Variants in ANKS1B observed in about 807,000 individuals in gnomAD.
ANKS1B encodes the protein ankyrin repeat and sterile alpha motif domain-containing protein 1B.
A neutral mutation model predicts 148.3 loss-of-function variants in ANKS1B; 36 were observed. The ratio of observed to expected loss-of-function variants is 0.24; its 90% confidence interval spans 0.19 to 0.32. The LOEUF (loss-of-function observed/expected upper bound fraction) is 0.32, where lower values mean the gene tolerates loss of function less well. Among genes scored for constraint, ANKS1B ranks in the 10% least tolerant of loss-of-function variants. The pLI is 1.00. For synonymous variants in ANKS1B, 542 were observed against 560.8 expected (o/e 0.97, Z 0.47); for missense variants, 1,157 against 1,542.6 (o/e 0.75, Z 4.19).
chr12:99,503,080 G>A (rs2096671375), intron 10 of ANKS1B, among the ~76,000 whole-genome samples: 1 of 152,154 alleles, frequency 6.6e-6, no homozygotes, highest in Non-Finnish European at 1.5e-5. Context: ...GGGACTACAG[G>A]CATGGGCCAT....
intron 17 of ANKS1B, among the ~76,000 whole-genome samples, chr12:98,977,320 T>C (rs953855719): frequency 2.0e-5 from 3 of 152,242 alleles, no homozygotes; most frequent in Admixed American, 1.3e-4. Context: ...TTGCATTTCA[T>C]TGCAAAGATG....
chr12:99,268,499 T>C (rs1376716240), intron 12 of ANKS1B, among the ~76,000 whole-genome samples: 1 of 152,194 alleles, frequency 6.6e-6, no homozygotes, highest in Non-Finnish European at 1.5e-5. Flanking sequence ...TATGCCTATG[T>C]CACCTTGGCC....
chr12:98,944,418 C>T (rs540620102), intron 17 of ANKS1B, among the ~76,000 whole-genome samples: 5 of 151,928 alleles, frequency 3.3e-5, no homozygotes, highest in East Asian at 1.9e-4. Context: ...CAGATGCTGG[C>T]GCCATGCTTC....
intron 17 of ANKS1B, among the ~76,000 whole-genome samples, chr12:98,851,663 G>A (rs1011448272): frequency 1.3e-5 from 2 of 152,086 alleles, no homozygotes; most frequent in African/African-American, 2.4e-5. Context: ...TTGGAAAGAT[G>A]TCCAGCATAT....
intron 24 of ANKS1B, among the ~76,000 whole-genome samples, chr12:98,776,125 G>A (rs1464050132): frequency 6.6e-6 from 1 of 152,224 alleles, no homozygotes; most frequent in African/African-American, 2.4e-5. Context: ...TTGTCTACCT[G>A]TGCAGAATGG....
chr12:99,939,707 A>G (rs533741500), intron 1 of ANKS1B, among the ~76,000 whole-genome samples: 7 of 152,342 alleles, frequency 4.6e-5, no homozygotes, highest in African/African-American at 1.7e-4. Context: ...GAGAAGCAGA[A>G]AAGTGTTCAA....
intron 8 of ANKS1B, among the ~76,000 whole-genome samples, chr12:99,712,251 C>T (rs1283650724): frequency 6.6e-6 from 1 of 152,150 alleles, no homozygotes; most frequent in African/African-American, 2.4e-5. Flanking sequence ...GGGATGCAGA[C>T]AAAATAGGTT....
chr12:99,969,413 G>C (rs958857480), intron 1 of ANKS1B, among the ~76,000 whole-genome samples: 2 of 152,004 alleles, frequency 1.3e-5, no homozygotes, highest in African/African-American at 4.8e-5. Context: ...TGAACTCCTT[G>C]GCTCAAGCAA....
At chr12:98,989,563 CTTGT>C (rs1197681193) in intron 17 of ANKS1B, among the ~76,000 whole-genome samples, 2 of 151,976 alleles carry the variant, frequency 1.3e-5, no homozygotes, top group African/African-American at 4.8e-5. Context: ...AATTTGTTTG[CTTGT>C]TTGTTTTGCT....
rs185833087 is a variant in ANKS1B at position 99,843,632 on chromosome 12, C to T, written c.135-18243G>A. On this transcript the variant is annotated intron_variant, in intron 1 of 26. Transcript: ENST00000683438. ...ATAGTATTCCACAGTGTATATGTAC[C>T]ATATTTTCTTTATCTAGTCTATCAT... Among the ~76,000 whole-genome samples the T allele has an allele frequency of 5.4e-4, 82 of 152,016 alleles. 1 individual carries two copies. The highest frequency in any genetic ancestry group is 4.3e-3 in the Admixed American group (66 of 15,262).
intron 16 of ANKS1B, among the ~76,000 whole-genome samples, chr12:99,056,890 T>C (rs891939619): frequency 6.6e-6 from 1 of 152,258 alleles, no homozygotes; most frequent in African/African-American, 2.4e-5. Context: ...ATAAATGTCC[T>C]ATAGGTGTCA....
chr12:99,882,821 T>A (rs1000567210), intron 1 of ANKS1B, among the ~76,000 whole-genome samples: 74 of 152,186 alleles, frequency 4.9e-4, no homozygotes, highest in South Asian at 8.3e-4. Context: ...TAATTTTTTT[T>A]AAAAAAGAAG....
chr12:99,434,126 G>C (rs970205033), intron 11 of ANKS1B, among the ~76,000 whole-genome samples: 6 of 152,014 alleles, frequency 3.9e-5, no homozygotes, highest in Non-Finnish European at 8.8e-5. Flanking sequence ...TCATACAGTA[G>C]GTATACTATT....
chr12:99,098,619 C>CTTTTTTTTTTTTTTTTTT (rs71081896), intron 15 of ANKS1B, among the ~76,000 whole-genome samples: 1 of 32,120 alleles, frequency 3.1e-5, no homozygotes, highest in Non-Finnish European at 5.9e-5. Context: ...CTAGGAACTA[C>CTTTTTTTTTTTTTTTTTT]TTTTTTTTTT....
intron 17 of ANKS1B, among the ~76,000 whole-genome samples, chr12:98,888,579 G>T (rs558373529): frequency 1.3e-5 from 2 of 152,318 alleles, no homozygotes; most frequent in East Asian, 3.9e-4. Context: ...AGCTGACCGG[G>T]ATTCAGTCAC....
intron 8 of ANKS1B, among the ~76,000 whole-genome samples, chr12:99,663,379 G>A (rs761513615): frequency 4.6e-5 from 7 of 152,014 alleles, no homozygotes; most frequent in African/African-American, 1.2e-4. Context: ...TGTTAAATAC[G>A]TTTCTATAAG....
At chr12:99,253,401 G>A (rs886411058) in intron 12 of ANKS1B, among the ~76,000 whole-genome samples, 33 of 152,134 alleles carry the variant, frequency 2.2e-4, no homozygotes, top group African/African-American at 7.7e-4. Flanking sequence ...GAATCAAGCA[G>A]AGAAAAACCT....
At chr12:99,848,325 G>C (rs1238805304) in intron 1 of ANKS1B, among the ~76,000 whole-genome samples, 1 of 152,188 alleles carries the variant, frequency 6.6e-6, no homozygotes, top group Non-Finnish European at 1.5e-5. Context: ...GAACAGGAAG[G>C]GGAGGAAATA....
chr12:99,192,733 G>T (rs2080897857), intron 14 of ANKS1B, among the ~76,000 whole-genome samples: 1 of 151,898 alleles, frequency 6.6e-6, no homozygotes, highest in African/African-American at 2.4e-5. Context: ...ATATAACACT[G>T]CATTTTCTTA....
Sources: gnomAD v4.1 joint callset for allele counts (sites outside exome capture counted in the v4.1 genomes callset) on GRCh38, gnomAD v4.1.1 for gene constraint, MANE v1.5 for transcripts, NCBI Gene and HGNC (gene_info 2026-07-23, HGNC 2026-07-21) for gene names.